Variants in STXBP5L observed in about 807,000 individuals in gnomAD.
The protein encoded by STXBP5L is syntaxin binding protein 5L, also known as syntaxin-binding protein 5-like.
Under a neutral mutation model 144.5 loss-of-function variants are expected in STXBP5L, and 65 were observed. That is an observed-to-expected ratio of 0.45 (90% CI 0.37 to 0.55). The LOEUF is 0.55. STXBP5L is among the 20% of genes least tolerant of loss of function. The pLI is 0.00. For synonymous variants in STXBP5L, 505 were observed against 469.6 expected (o/e 1.08, Z -0.97); for missense variants, 1,298 against 1,405.5 (o/e 0.92, Z 1.22).
chr3:121,231,287 G>C, intron 11 of STXBP5L, among the ~76,000 whole-genome samples: 1 of 152,214 alleles, frequency 6.6e-6, no homozygotes. Context: ...ATAGCTTGTT[G>C]TCTCATGTCG....
rs778811755 is a variant in STXBP5L at position 121,381,514 on chromosome 3, G to A, written c.2569G>A (p.Val857Ile). 17 of 1,591,908 alleles carry A rather than the reference G, an allele frequency of 1.1e-5. No individual in the cohort carries two copies. The highest frequency in any genetic ancestry group is 1.9e-5 in the Admixed American group (1 of 52,664). Residue 857 changes from valine to isoleucine, a missense_variant, in exon 22 of 27, where the codon GTC becomes ATC. Coordinates refer to ENST00000471454, the MANE Select transcript of STXBP5L (RefSeq NM_001308330.2). ...LADEQRFTEPVMVLPSGTFLS... is the reference protein window; with the variant it reads ...LADEQRFTEPIMVLPSGTFLS... ...AGATGAACAAAGGTTTACAGAGCCA[G>A]TCATGGTATTGCCAAGTGGTAAGAG...
At chr3:121,145,973 T>C (rs771326555) in intron 7 of STXBP5L, among the ~76,000 whole-genome samples, 1 of 152,072 alleles carries the variant, frequency 6.6e-6, no homozygotes, top group Non-Finnish European at 1.5e-5. Context: ...TTGCTCTCTC[T>C]ACTGGAACTG....
chr3:120,978,966 C>G (rs1044626858), intron 3 of STXBP5L, among the ~76,000 whole-genome samples: 4 of 152,176 alleles, frequency 2.6e-5, no homozygotes, highest in African/African-American at 7.2e-5. Flanking sequence ...TGGGGGGTGC[C>G]TCCCAGTTAT....
intron 5 of STXBP5L, among the ~76,000 whole-genome samples, chr3:121,050,219 A>T (rs985151709): frequency 1.3e-5 from 2 of 151,980 alleles, no homozygotes; most frequent in African/African-American, 4.8e-5. Flanking sequence ...CTACTCAGCT[A>T]TCTCACGCCA....
chr3:121,085,478 GAGA>G (rs1221665923), intron 5 of STXBP5L, among the ~76,000 whole-genome samples: 1 of 152,096 alleles, frequency 6.6e-6, no homozygotes, highest in Non-Finnish European at 1.5e-5. Context: ...AAAGTCTCAG[GAGA>G]AGGTTACAAA....
intron 11 of STXBP5L, among the ~76,000 whole-genome samples, chr3:121,223,985 C>T (rs937341548): frequency 1.3e-4 from 20 of 151,822 alleles, no homozygotes; most frequent in Non-Finnish European, 2.8e-4. Flanking sequence ...AAAGTGAAAA[C>T]ATAAAAAAGG....
chr3:121,004,590 G>A (rs1944102175), intron 3 of STXBP5L, among the ~76,000 whole-genome samples: 1 of 151,958 alleles, frequency 6.6e-6, no homozygotes, highest in Admixed American at 6.6e-5. Context: ...ACACTATGTT[G>A]AATAGGAGTG....
At chr3:121,050,404 T>G (rs953806391) in intron 5 of STXBP5L, among the ~76,000 whole-genome samples, 1 of 151,944 alleles carries the variant, frequency 6.6e-6, no homozygotes, top group Non-Finnish European at 1.5e-5. Context: ...TAAAGAGTTG[T>G]TCAGAAGAGA....
chr3:120,979,994 G>T (rs895864383), intron 3 of STXBP5L, among the ~76,000 whole-genome samples: 5 of 152,104 alleles, frequency 3.3e-5, no homozygotes, highest in African/African-American at 1.2e-4. Context: ...AATCTTTCAG[G>T]AGCAGGTTGT....
intron 9 of STXBP5L, among the ~76,000 whole-genome samples, chr3:121,161,005 G>A (rs1419301011): frequency 2.0e-5 from 3 of 151,802 alleles, no homozygotes; most frequent in South Asian, 2.1e-4. Flanking sequence ...TGTCCTTTAC[G>A]CTATGGTTAT....
At chr3:121,145,405 T>C (rs143764331) in intron 7 of STXBP5L, among the ~76,000 whole-genome samples, 144 of 152,044 alleles carry the variant, frequency 9.5e-4, no homozygotes, top group Non-Finnish European at 1.9e-3. Context: ...TTAGCACCCA[T>C]TGTATTTCCA....
At chr3:121,147,580 A>C (rs1426598286) in intron 7 of STXBP5L, among the ~76,000 whole-genome samples, 1 of 152,176 alleles carries the variant, frequency 6.6e-6, no homozygotes, top group Non-Finnish European at 1.5e-5. Flanking sequence ...ATTAAACCCA[A>C]AGAAAGTAGT....
intron 9 of STXBP5L, among the ~76,000 whole-genome samples, chr3:121,183,638 GAAAGAAAGAAA>G (rs902750147): frequency 6.7e-6 from 1 of 150,218 alleles, no homozygotes; most frequent in Non-Finnish European, 1.5e-5. Context: ...AGGGAGGAAG[GAAAGAAAGAAA>G]AAAGAAAGAA....
chr3:121,088,436 G>A (rs2042605398), intron 5 of STXBP5L, among the ~76,000 whole-genome samples: 1 of 111,480 alleles, frequency 9.0e-6, no homozygotes, highest in Non-Finnish European at 1.8e-5. Flanking sequence ...AAAAAATCAG[G>A]AAACAACAGG....
intron 3 of STXBP5L, among the ~76,000 whole-genome samples, chr3:120,985,312 T>G (rs1269734760): frequency 6.6e-6 from 1 of 152,096 alleles, no homozygotes; most frequent in African/African-American, 2.4e-5. Flanking sequence ...GAGATGTCTT[T>G]TGTATATAGT....
chr3:120,961,715 A>G (rs898157549), intron 3 of STXBP5L, among the ~76,000 whole-genome samples: 2 of 152,322 alleles, frequency 1.3e-5, no homozygotes, highest in African/African-American at 4.8e-5. Flanking sequence ...GCTGTTGTGA[A>G]TAGTGCCACC....
chr3:121,301,417 G>T (rs1051917437), intron 19 of STXBP5L, among the ~76,000 whole-genome samples: 2 of 152,206 alleles, frequency 1.3e-5, no homozygotes, highest in Admixed American at 6.5e-5. Flanking sequence ...CTTTGCTGAA[G>T]TTGGTTATCA....
At chr3:121,140,085 C>T (rs2045433312) in intron 7 of STXBP5L, among the ~76,000 whole-genome samples, 1 of 151,858 alleles carries the variant, frequency 6.6e-6, no homozygotes, top group Non-Finnish European at 1.5e-5. Flanking sequence ...AAGTGTAATT[C>T]CTCAAACTAT....
At chr3:121,136,296 G>A (rs180818943) in intron 7 of STXBP5L, among the ~76,000 whole-genome samples, 1 of 152,178 alleles carries the variant, frequency 6.6e-6, no homozygotes, top group East Asian at 1.9e-4. Context: ...CTCAATATCT[G>A]GCAGATCCCT....
Sources: gnomAD v4.1 joint callset for allele counts (sites outside exome capture counted in the v4.1 genomes callset) on GRCh38, gnomAD v4.1.1 for gene constraint, MANE v1.5 for transcripts, NCBI Gene and HGNC (gene_info 2026-07-23, HGNC 2026-07-21) for gene names.